The following DNAH10 variants were observed in gnomAD, a reference collection of about 807,000 sequenced individuals.
DNAH10 encodes the protein dynein axonemal heavy chain 10.
In DNAH10, 348 loss-of-function variants were observed where a neutral mutation model predicts 506.6. The observed-to-expected ratio is 0.69, with a 90% CI of 0.63 to 0.75. DNAH10 has a LOEUF of 0.75. Among genes scored for constraint, DNAH10 ranks in the 30% least tolerant of loss-of-function variants. The pLI is 0.00. For synonymous variants in DNAH10, 2,059 were observed against 2,198.6 expected (o/e 0.94, Z 1.78); for missense variants, 5,179 against 5,787.1 (o/e 0.89, Z 3.41).
intron 51 of DNAH10, among the ~76,000 whole-genome samples, chr12:123,886,568 TGTG>T (rs1416202222): frequency 1.1e-4 from 16 of 151,920 alleles, no homozygotes; most frequent in African/African-American, 3.6e-4. Context: ...AGTGTGAACA[TGTG>T]GGAATGACTG....
intron 15 of DNAH10, 126 bp from the exon 16 acceptor site, chr12:123,801,155 T>C: frequency 4.0e-6 from 4 of 1,005,514 alleles, no homozygotes; most frequent in Non-Finnish European, 5.6e-6. Context: ...TTTAAATTTC[T>C]GCAAATCTCT....
At chr12:123,874,447 T>G (rs1952162513) in intron 46 of DNAH10, among the ~76,000 whole-genome samples, 1 of 152,092 alleles carries the variant, frequency 6.6e-6, no homozygotes, top group Non-Finnish European at 1.5e-5. Context: ...ATAGATTTGT[T>G]CATCTATCCA....
intron 56 of DNAH10, among the ~76,000 whole-genome samples, chr12:123,899,896 A>C (rs939108340): frequency 1.3e-5 from 2 of 152,230 alleles, no homozygotes; most frequent in African/African-American, 4.8e-5. Flanking sequence ...AACCAAAGCA[A>C]CTTAATCGAT....
In DNAH10 at chr12:123,914,856, G is replaced by A. The variant is rs372649285; in HGVS notation, c.10579G>A (p.Gly3527Arg). The A allele has an allele frequency of 1.1e-5, 17 of 1,611,798 alleles. No homozygotes were observed. The African/African-American group carries it at 2.3e-4, about 22-fold the overall frequency. Residue 3527 changes from glycine (G) to arginine (R), a missense_variant, in exon 62 of 79, where the codon GGA becomes AGA. Physicochemically the swap from Gly to Arg is moderately radical, Grantham distance 125. Coordinates refer to ENST00000673944, the MANE Select transcript of DNAH10 (RefSeq NM_001372106.1). ...LTDDVEISRW[G>R]SQGLPPDELS... ...CCCAATGGCTGTTTCTTCCAGATGG[G>A]GATCCCAGGGCCTTCCCCCCGATGA...
In DNAH10 at chr12:123,853,961, T is replaced by A. The variant is rs549891219; in HGVS notation, c.6438+609T>A. Reference sequence around the variant, plus strand: ...ACACGCACACACACACACATTTGGGTAGTAAAAAAAAAACAGCCGTGAGTG... The same window carrying A: ...ACACGCACACACACACACATTTGGGAAGTAAAAAAAAAACAGCCGTGAGTG... On this transcript the variant is annotated intron_variant, in intron 36 of 78. Coordinates refer to ENST00000673944, the MANE Select transcript of DNAH10 (RefSeq NM_001372106.1). This position sits in a 1 kb window ranked among gnomAD's most constrained non-coding sequence, Gnocchi z 4.7. Among the ~76,000 whole-genome samples, 1 of 149,952 alleles carries A rather than the reference T, an allele frequency of 6.7e-6. No homozygotes were observed. The highest frequency in any genetic ancestry group is 2.0e-4 in the East Asian group (1 of 5,090).
intron 21 of DNAH10, among the ~76,000 whole-genome samples, chr12:123,814,739 C>T (rs563716252): frequency 1.5e-4 from 23 of 151,904 alleles, no homozygotes; most frequent in South Asian, 1.0e-3. Context: ...CTCAGCCTCC[C>T]GAGTACCTGG....
At chr12:123,869,337 A>G (rs918052799) in intron 43 of DNAH10, among the ~76,000 whole-genome samples, 1 of 151,926 alleles carries the variant, frequency 6.6e-6, no homozygotes, top group Non-Finnish European at 1.5e-5. Flanking sequence ...AGACCTCCGC[A>G]TGCCTTGCCT....
chr12:123,877,710 G>T, intron 47 of DNAH10, 26 bp from the exon 48 acceptor site: 4 of 1,407,930 alleles, frequency 2.8e-6, no homozygotes, highest in Non-Finnish European at 2.8e-6. Context: ...TTTGTGTGTT[G>T]GGGGGGGTGT....
Position 123,926,366 on chromosome 12 carries a change from G to C in DNAH10, c.11922-271G>C. Reference sequence around the variant, plus strand: ...TTTGTGCCATGGGCAGGCCCACCTAGAGGGCAAGCTGAGGTGCCCAGCTCA... The same window carrying C: ...TTTGTGCCATGGGCAGGCCCACCTACAGGGCAAGCTGAGGTGCCCAGCTCA... On this transcript the variant is annotated intron_variant, in intron 68 of 78. Coordinates refer to ENST00000673944, the MANE Select transcript of DNAH10 (RefSeq NM_001372106.1). The surrounding 1 kb of genome is among the most constrained non-coding windows in gnomAD (Gnocchi z 4.1). 1 of 418,994 alleles carries C rather than the reference G, an allele frequency of 2.4e-6. No homozygotes were observed. Among genetic ancestry groups the C allele is most frequent in the East Asian group, 3.9e-5 (1 of 25,658 alleles). 26.0% of individuals were successfully genotyped at this position (418,994 alleles called of 1,614,324 possible).
intron 19 of DNAH10, among the ~76,000 whole-genome samples, chr12:123,812,446 G>A (rs1006308063): frequency 2.6e-5 from 4 of 151,860 alleles, no homozygotes; most frequent in Non-Finnish European, 5.9e-5. Flanking sequence ...GCGAAACTCC[G>A]TCTCAAAAAA....
chr12:123,889,878 G>A (rs1952900160), intron 52 of DNAH10, among the ~76,000 whole-genome samples: 2 of 152,104 alleles, frequency 1.3e-5, no homozygotes, highest in Admixed American at 6.5e-5. Context: ...ACTGCTTCAG[G>A]CCACCCGTTT....
chr12:123,762,354 G>A lies in DNAH10; in HGVS notation c.18G>A (p.Val6=). The change falls in exon 1 of 79, where the codon GTG becomes GTA. Residue 6 remains valine (V), a synonymous_variant. Transcript: ENST00000673944. This position sits in a 1 kb window ranked among gnomAD's most constrained non-coding sequence, Gnocchi z 5.0. MDDLR[V]LWMRDRVYAA... Reference sequence around the variant, plus strand: ...GCGGCGCCATGGACGACCTGCGGGTGCTGTGGATGCGCGACCGCGTGTATG... The same window carrying A: ...GCGGCGCCATGGACGACCTGCGGGTACTGTGGATGCGCGACCGCGTGTATG... 1 of 1,355,270 alleles carries A rather than the reference G, an allele frequency of 7.4e-7. No individual in the cohort carries two copies. Among genetic ancestry groups the A allele is most frequent in the South Asian group, 1.7e-5 (1 of 57,744 alleles). 84.0% of individuals were successfully genotyped at this position (1,355,270 alleles called of 1,614,324 possible).
At chr12:123,855,915 A>G (rs1951367873) in intron 36 of DNAH10, among the ~76,000 whole-genome samples, 1 of 149,602 alleles carries the variant, frequency 6.7e-6, no homozygotes, top group Admixed American at 6.6e-5. Context: ...TAATTTTTAC[A>G]TTTATATACA....
At position 123,857,067 on chromosome 12, in the gene DNAH10, G is replaced by T. The variant is rs565645658; in HGVS notation, c.6450G>T (p.Leu2150=). ...GSSDLREDVV[L]MRALRDMNLP... is the part of the protein sequence containing the mutation. ...TTCATTTCCTGCAGGACGTGGTGCT[G>T]ATGAGGGCCTTGCGAGACATGAACT... Residue 2150 remains leucine, a synonymous_variant, in exon 37 of 79, where the codon CTG becomes CTT. Transcript: ENST00000673944. The T allele has an allele frequency of 6.2e-7, 1 of 1,611,852 alleles. No homozygotes were observed. Among genetic ancestry groups the T allele is most frequent in the South Asian group, 1.1e-5 (1 of 90,504 alleles).
chr12:123,889,802 A>C (rs1238277927), intron 52 of DNAH10, among the ~76,000 whole-genome samples: 1 of 152,196 alleles, frequency 6.6e-6, no homozygotes, highest in African/African-American at 2.4e-5. Context: ...GGTTAAGATC[A>C]GGGTGTTGGT....
intron 67 of DNAH10, 75 bp downstream of exon 67, chr12:123,924,507 C>T: frequency 1.9e-6 from 3 of 1,552,588 alleles, no homozygotes; most frequent in East Asian, 2.3e-5. Flanking sequence ...TGTGGCCCAA[C>T]CCCTTAAGAG....
intron 24 of DNAH10, among the ~76,000 whole-genome samples, chr12:123,823,622 A>T: frequency 6.6e-6 from 1 of 152,300 alleles, no homozygotes; most frequent in South Asian, 2.1e-4. Flanking sequence ...TAAAATGTTT[A>T]ATTTTTCTGG....
At chr12:123,835,684 A>T (rs1961061576) in intron 28 of DNAH10, among the ~76,000 whole-genome samples, 156 bp downstream of exon 28, 1 of 152,078 alleles carries the variant, frequency 6.6e-6, no homozygotes, top group Non-Finnish European at 1.5e-5. Context: ...GAGTGCAGTG[A>T]TGTGATCGTG....
rs1957914744 is a variant in DNAH10 at position 123,787,750 on chromosome 12, G to T, written c.1422-54G>T. 5 of 1,576,520 alleles carry T rather than the reference G, an allele frequency of 3.2e-6. No homozygotes were observed. In the East Asian group the frequency reaches 6.9e-5, roughly 22 times the overall value. On this transcript the variant is annotated intron_variant, in intron 9 of 78. Coordinates refer to ENST00000673944, the MANE Select transcript of DNAH10 (RefSeq NM_001372106.1). The surrounding 1 kb of genome is among the most constrained non-coding windows in gnomAD (Gnocchi z 4.6). ...ACTGGCTCCCCAGCCGGGGAGTGCG[G>T]CTCGGACCCGGAGCTCCGCCCTCCT...
Sources: allele counts gnomAD v4.1 joint callset (sites outside exome capture counted in the v4.1 genomes callset), GRCh38; gene constraint gnomAD v4.1.1; non-coding constraint Gnocchi (gnomAD v3.1); transcripts MANE v1.5; gene names NCBI Gene and HGNC (gene_info 2026-07-23, HGNC 2026-07-21).